The following RIMBP2 variants were observed in gnomAD, a reference collection of about 807,000 sequenced individuals.
RIMBP2 encodes RIMS binding protein 2.
A neutral mutation model predicts 118.6 loss-of-function variants in RIMBP2; 48 were observed. That is an observed-to-expected ratio of 0.40 (90% CI 0.32 to 0.51). The LOEUF (loss-of-function observed/expected upper bound fraction) is 0.51. Ranked by LOEUF, RIMBP2 falls within the 20% of genes least tolerant of loss-of-function variation. The pLI, the probability that RIMBP2 is intolerant of heterozygous loss-of-function variation, is 0.41. For missense variants in RIMBP2, 1,551 were observed against 1,768.3 expected (o/e 0.88, Z 2.20); for synonymous variants, 762 against 742.9 (o/e 1.03, Z -0.42).
rs375606316 is a variant in RIMBP2 at position 130,412,574 on chromosome 12, T to A, written c.3589+45A>T. ...GCCTCTCTGAGCGGCAGGTGTTTTGTGGGATAAAATGCACAGGGAAGGTCG... is the reference window on the plus strand; with the variant it reads ...GCCTCTCTGAGCGGCAGGTGTTTTGAGGGATAAAATGCACAGGGAAGGTCG... On this transcript the variant is annotated intron_variant, in intron 19 of 22. Coordinates refer to ENST00000690449, the MANE Select transcript of RIMBP2 (RefSeq NM_001393629.1). The A allele has an allele frequency of 1.0e-4, 157 of 1,572,194 alleles. No individual in the cohort carries two copies. The African/African-American group carries it at 1.9e-3, about 19-fold the overall frequency.
intron 1 of RIMBP2, among the ~76,000 whole-genome samples, chr12:130,638,401 C>A (rs1294158110): frequency 6.6e-6 from 1 of 152,212 alleles, no homozygotes; most frequent in African/African-American, 2.4e-5. Context: ...CTATATGATT[C>A]CAACTCTATC....
At chr12:130,625,277 G>C (rs968963249) in intron 2 of RIMBP2, among the ~76,000 whole-genome samples, 1 of 152,198 alleles carries the variant, frequency 6.6e-6, no homozygotes, top group Non-Finnish European at 1.5e-5. Context: ...ACTCAGATCT[G>C]TGAATAAGCA....
At chr12:130,451,153 C>T in intron 8 of RIMBP2, 42 bp downstream of exon 8, 1 of 1,600,616 alleles carries the variant, frequency 6.2e-7, no homozygotes, top group Non-Finnish European at 8.5e-7. Flanking sequence ...CAGACACACA[C>T]AGCACAGGCA....
At chr12:130,567,897 C>G (rs1354314539) in intron 2 of RIMBP2, among the ~76,000 whole-genome samples, 2 of 152,194 alleles carry the variant, frequency 1.3e-5, no homozygotes, top group Non-Finnish European at 2.9e-5. Context: ...TCTCCTGACT[C>G]TGCCTCACCT....
At chr12:130,418,193 T>C (rs987308607) in intron 17 of RIMBP2, among the ~76,000 whole-genome samples, 14 of 152,268 alleles carry the variant, frequency 9.2e-5, no homozygotes, top group Non-Finnish European at 1.8e-4. Context: ...ATTGTTTACA[T>C]TATTGAGATT....
chr12:130,691,505 C>A (rs2136660344), intron 1 of RIMBP2, among the ~76,000 whole-genome samples: 1 of 152,148 alleles, frequency 6.6e-6, no homozygotes, highest in Non-Finnish European at 1.5e-5. Context: ...CCCCATCTCT[C>A]CAAAAAAAAT....
chr12:130,674,371 T>G (rs190788525), intron 1 of RIMBP2, among the ~76,000 whole-genome samples: 1 of 152,234 alleles, frequency 6.6e-6, no homozygotes, highest in Non-Finnish European at 1.5e-5. Context: ...CTCAGGTAGT[T>G]CTTTACCGCA....
At chr12:130,542,549 A>C (rs2054713931) in intron 2 of RIMBP2, among the ~76,000 whole-genome samples, 1 of 152,196 alleles carries the variant, frequency 6.6e-6, no homozygotes, top group Admixed American at 6.5e-5. Context: ...GATGAGGGAG[A>C]GTTCCTGAAC....
At chr12:130,445,650 C>T (rs2078461868) in intron 9 of RIMBP2, among the ~76,000 whole-genome samples, 1 of 152,148 alleles carries the variant, frequency 6.6e-6, no homozygotes, top group Admixed American at 6.5e-5. Flanking sequence ...TTAGTGAAAA[C>T]AGAATCATAT....
At chr12:130,606,254 TG>T in intron 2 of RIMBP2, among the ~76,000 whole-genome samples, 1 of 152,356 alleles carries the variant, frequency 6.6e-6, no homozygotes, top group East Asian at 1.9e-4. Flanking sequence ...CTTGTCTGTA[TG>T]TTTCTGAGAA....
intron 2 of RIMBP2, among the ~76,000 whole-genome samples, chr12:130,594,334 A>G (rs1294812037): frequency 2.0e-5 from 3 of 152,252 alleles, no homozygotes; most frequent in East Asian, 3.8e-4. Context: ...GCTCAGGTCA[A>G]TCTAGTGGAT....
chr12:130,603,999 A>G (rs940553040), intron 2 of RIMBP2, among the ~76,000 whole-genome samples: 2 of 152,100 alleles, frequency 1.3e-5, no homozygotes. Flanking sequence ...AGGCCTTGTC[A>G]CCCTAGGAGA....
intron 2 of RIMBP2, among the ~76,000 whole-genome samples, chr12:130,552,686 A>T (rs2055919839): frequency 6.6e-6 from 1 of 152,174 alleles, no homozygotes. Flanking sequence ...TTAGTAGACA[A>T]ATTCATGATA....
chr12:130,417,937 G>A (rs2076199132), intron 17 of RIMBP2, among the ~76,000 whole-genome samples: 3 of 152,118 alleles, frequency 2.0e-5, no homozygotes, highest in East Asian at 1.9e-4. Flanking sequence ...CATCAGGGAA[G>A]CAAGTGAGAA....
intron 2 of RIMBP2, among the ~76,000 whole-genome samples, chr12:130,594,645 T>G (rs915328333): frequency 3.3e-5 from 5 of 152,144 alleles, no homozygotes; most frequent in African/African-American, 1.2e-4. Context: ...CTGGGCTGCA[T>G]GTGGCCCATG....
intron 1 of RIMBP2, among the ~76,000 whole-genome samples, chr12:130,632,660 C>A (rs138586688): frequency 9.3e-4 from 141 of 152,244 alleles, no homozygotes; most frequent in Middle Eastern, 3.4e-3. Context: ...GACTGGAGAG[C>A]TTGCTAATGA....
chr12:130,639,052 T>A (rs1017782333), intron 1 of RIMBP2, among the ~76,000 whole-genome samples: 1 of 152,188 alleles, frequency 6.6e-6, no homozygotes, highest in South Asian at 2.1e-4. Context: ...GAACTCCCTG[T>A]ACTCTTTGAT....
intron 1 of RIMBP2, among the ~76,000 whole-genome samples, chr12:130,664,028 T>C (rs1472733570): frequency 1.3e-5 from 2 of 151,478 alleles, no homozygotes; most frequent in Non-Finnish European, 2.9e-5. Flanking sequence ...TGTGGGTTTT[T>C]TTTAAAAAAT....
Position 130,646,382 on chromosome 12 carries a change from A to ACCACCTCCCTCACCACTTCCCTCT in RIMBP2, c.-351-17927_-351-17926insAGAGGGAAGTGGTGAGGGAGGTGG, listed in dbSNP as rs1566423325. ...CACCACCTCCCTCACCACCTCCCTC[A>ACCACCTCCCTCACCACTTCCCTCT]CCACCTCCCTCACCACCTGCCTCTC... On this transcript the variant is annotated intron_variant, in intron 1 of 22. Coordinates refer to ENST00000690449, the MANE Select transcript of RIMBP2 (RefSeq NM_001393629.1). Among the ~76,000 whole-genome samples the ACCACCTCCCTCACCACTTCCCTCT allele has an allele frequency of 2.2e-4, 10 of 45,564 alleles. 1 individual carries two copies. The highest frequency in any genetic ancestry group is 1.3e-3 in the African/African-American group (10 of 7,532). The allele number at this position is 45,564 out of a possible 152,430, so 29.9% of individuals were successfully genotyped here. A position where few individuals can be genotyped will look rare whatever the true frequency, so the allele number is the denominator to read the frequency against.
Sources: gnomAD v4.1 joint callset for allele counts (sites outside exome capture counted in the v4.1 genomes callset) on GRCh38, gnomAD v4.1.1 for gene constraint, MANE v1.5 for transcripts, NCBI Gene and HGNC (gene_info 2026-07-23, HGNC 2026-07-21) for gene names.